PHEX: variants seen among roughly 807,000 people sequenced by gnomAD.
PHEX encodes the protein phosphate regulating endopeptidase X-linked, also known as phosphate-regulating neutral endopeptidase PHEX.
Under a neutral mutation model 68.0 loss-of-function variants are expected in PHEX, and 16 were observed. That is an observed-to-expected ratio of 0.24 (90% CI 0.16 to 0.36). PHEX has a LOEUF of 0.36. PHEX is among the 10% of genes least tolerant of loss of function. The pLI is 1.00. For synonymous variants in PHEX, 208 were observed against 205.1 expected (o/e 1.01, Z -0.12); for missense variants, 480 against 575.5 (o/e 0.83, Z 1.70).
chrX:22,140,375 T>C lies in PHEX; in HGVS notation c.1404+6751T>C, dbSNP rs376369335. Among the ~76,000 whole-genome samples, 5 of 111,980 alleles carry C rather than the reference T, an allele frequency of 4.5e-5. 1 individual carries two copies. Among genetic ancestry groups the C allele is most frequent in the East Asian group, 2.8e-4 (1 of 3,591 alleles). The stretch of plus-strand genomic sequence containing the variant: ...CTCTTTCTTGGTCATTTCTGCTCCT[T>C]GACTCCACATCTGTCCCCAGGAACT... On this transcript the variant is annotated intron_variant, in intron 12 of 21. Transcript: ENST00000379374.
In PHEX at chrX:22,227,488, C is replaced by T. The variant is rs372941801; in HGVS notation, c.1966-19C>T. On this transcript the variant is annotated intron_variant, in intron 19 of 21. Transcript: ENST00000379374. ...AACCCACCGTTGCAGAGACTCATCT[C>T]TTCTTCTTCTCTCACCAGGCTTACA... 2.7e-6 allele frequency: 3 copies of T among 1,103,143 alleles called. No individual in the cohort carries two copies. The African/African-American group carries it at 5.4e-5, about 20-fold the overall frequency. 90.9% of individuals were successfully genotyped at this position (1,103,143 alleles called of 1,213,427 possible).
rs138773278 is a variant in PHEX at position 22,247,943 on chromosome X, G to A, written c.2240G>A (p.Arg747Gln). 12 of 1,194,482 alleles carry A rather than the reference G, an allele frequency of 1.0e-5. No individual in the cohort carries two copies. Among genetic ancestry groups the A allele is most frequent in the African/African-American group, 3.5e-5 (2 of 57,498 alleles). Residue 747 changes from arginine (R) to glutamine (Q), a missense_variant, in exon 22 of 22, where the codon CGA becomes CAA. Arg to Gln is a conservative substitution (Grantham distance 43). Transcript: ENST00000379374. ...STMNRGMDSC[R>Q]LW ...ATGAACAGAGGCATGGACTCCTGCC[G>A]ACTCTGGTAGCTGGGACGCTGGTTT...
chrX:22,037,195 A>G (rs747179820), intron 1 of PHEX, among the ~76,000 whole-genome samples: 1 of 110,985 alleles, frequency 9.0e-6, no homozygotes, highest in African/African-American at 3.3e-5. Context: ...TGTTTGGAGG[A>G]TGGCAGCAGA....
At chrX:22,088,205 C>T (rs147827651) in intron 5 of PHEX, among the ~76,000 whole-genome samples, 16 of 111,857 alleles carry the variant, frequency 1.4e-4, no homozygotes, top group African/African-American at 5.2e-4. Flanking sequence ...CCATTGTATA[C>T]CACAGTTTAT....
chrX:22,098,508 C>T (rs1432839368), intron 8 of PHEX, among the ~76,000 whole-genome samples: 1 of 107,135 alleles, frequency 9.3e-6, no homozygotes, highest in Non-Finnish European at 1.9e-5. Context: ...TAGGTCAGGC[C>T]GAGCATGGTG....
chrX:22,071,868 C>T (rs186914981), intron 3 of PHEX, among the ~76,000 whole-genome samples: 88 of 111,797 alleles, frequency 7.9e-4, no homozygotes, highest in African/African-American at 2.6e-3. Context: ...GAGGCCGAGG[C>T]GGGTGGATCA....
chrX:22,141,936 T>C (rs1197586295), intron 12 of PHEX, among the ~76,000 whole-genome samples: 1 of 112,493 alleles, frequency 8.9e-6, no homozygotes, highest in Non-Finnish European at 1.9e-5. Flanking sequence ...TCTTGTATTA[T>C]TGCATATTCT....
intron 9 of PHEX, among the ~76,000 whole-genome samples, chrX:22,101,551 T>C (rs1486625811): frequency 8.9e-6 from 1 of 111,926 alleles, no homozygotes; most frequent in Non-Finnish European, 1.9e-5. Flanking sequence ...TAAGAGAGCT[T>C]TCTTCTAAAT....
At chrX:22,077,331 C>A in intron 4 of PHEX, 145 bp from the exon 5 acceptor site, 1 of 542,507 alleles carries the variant, frequency 1.8e-6, no homozygotes, top group Non-Finnish European at 3.3e-6. Context: ...GCTCATCCCA[C>A]CCCACCTCTT....
At chrX:22,134,308 G>A (rs1295000956) in intron 12 of PHEX, among the ~76,000 whole-genome samples, 3 of 112,464 alleles carry the variant, frequency 2.7e-5, no homozygotes, top group South Asian at 7.3e-4. Flanking sequence ...AGTAGAAAAC[G>A]GGCTGGGTGC....
chrX:22,112,444 A>G (rs1046010300), intron 10 of PHEX, among the ~76,000 whole-genome samples: 16 of 111,950 alleles, frequency 1.4e-4, no homozygotes, highest in African/African-American at 5.2e-4. Context: ...TTTTTCTATC[A>G]ATTTAAAGTT....
chrX:22,207,969 G>A (rs928457986), intron 15 of PHEX, among the ~76,000 whole-genome samples: 1 of 110,825 alleles, frequency 9.0e-6, no homozygotes, highest in Non-Finnish European at 1.9e-5. Flanking sequence ...CATGTGCCGT[G>A]TTGGTTTGCT....
At chrX:22,097,125 T>A in intron 8 of PHEX, 87 bp downstream of exon 8, 1 of 655,232 alleles carries the variant, frequency 1.5e-6, no homozygotes, top group Non-Finnish European at 2.6e-6. Context: ...TTGTGTCTTG[T>A]AAAACCTGCT....
intron 1 of PHEX, among the ~76,000 whole-genome samples, chrX:22,037,168 A>G (rs758650712): frequency 9.0e-6 from 1 of 110,833 alleles, no homozygotes; most frequent in South Asian, 3.8e-4. Flanking sequence ...ATGTAACACA[A>G]TGCAATGCAA....
At chrX:22,068,784 A>G (rs1354668341) in intron 3 of PHEX, among the ~76,000 whole-genome samples, 1 of 112,075 alleles carries the variant, frequency 8.9e-6, no homozygotes, top group Admixed American at 9.5e-5. Context: ...CGACCATTGC[A>G]GGGAGTATAT....
intron 13 of PHEX, among the ~76,000 whole-genome samples, chrX:22,176,611 TCTC>T (rs765507198): frequency 1.0e-4 from 11 of 109,600 alleles, no homozygotes; most frequent in African/African-American, 3.6e-4. Flanking sequence ...CTTGATCTAA[TCTC>T]CTTCCTCTGC....
chrX:22,085,772 T>C (rs1484803197), intron 5 of PHEX, among the ~76,000 whole-genome samples: 1 of 111,522 alleles, frequency 9.0e-6, no homozygotes, highest in African/African-American at 3.3e-5. Context: ...GAATATGTAT[T>C]CTGCAGCAAT....
At chrX:22,235,427 T>TTATCACAGTTCTGGAGGC in intron 20 of PHEX, among the ~76,000 whole-genome samples, 1 of 112,031 alleles carries the variant, frequency 8.9e-6, no homozygotes, top group Non-Finnish European at 1.9e-5. Context: ...CAACAGAAAT[T>TTATCACAGTTCTGGAGGC]TATCACAGTT....
intron 14 of PHEX, among the ~76,000 whole-genome samples, chrX:22,185,070 T>C (rs1264032086): frequency 8.9e-6 from 1 of 112,156 alleles, no homozygotes; most frequent in Non-Finnish European, 1.9e-5. Flanking sequence ...TGTCTTTTTC[T>C]TCAGATTCTT....
Sources: allele counts gnomAD v4.1 joint callset (sites outside exome capture counted in the v4.1 genomes callset), GRCh38; gene constraint gnomAD v4.1.1; transcripts MANE v1.5; gene names NCBI Gene and HGNC (gene_info 2026-07-23, HGNC 2026-07-21).